The following SYBU variants were observed in gnomAD, a reference collection of about 807,000 sequenced individuals.
The protein encoded by SYBU is GOLSYN A protein.
A neutral mutation model predicts 35.9 loss-of-function variants in SYBU; 21 were observed. The observed-to-expected ratio is 0.58, with a 90% confidence interval of 0.41 to 0.84. SYBU has a LOEUF of 0.84. Among genes scored for constraint, SYBU ranks in the 40% least tolerant of loss-of-function variants. The pLI is 0.00. For missense variants in SYBU, 768 were observed against 848.2 expected (o/e 0.91, Z 1.17); for synonymous variants, 319 against 324.3 (o/e 0.98, Z 0.18).
chr8:109,577,971 G>GT lies in SYBU; in HGVS notation c.780dup (p.Pro261ThrfsTer29). On this transcript the variant is annotated frameshift_variant, in exon 6 of 7. Transcript: ENST00000276646. LOFTEE classifies it high-confidence loss of function. ...GTCAAATACTGCTCTGGGTTTGGGGGTCTGACACCATGATTTTCACCGCAA... is the reference window on the plus strand; with the variant it reads ...GTCAAATACTGCTCTGGGTTTGGGGGTTCTGACACCATGATTTTCACCGCAA... 6.2e-7 allele frequency: 1 copy of GT among 1,613,874 alleles called. No individual in the cohort carries two copies. Among genetic ancestry groups the GT allele is most frequent in the Non-Finnish European group, 8.5e-7 (1 of 1,179,896 alleles).
intron 1 of SYBU, among the ~76,000 whole-genome samples, chr8:109,670,276 C>A (rs1394537193): frequency 6.6e-6 from 1 of 151,300 alleles, no homozygotes; most frequent in East Asian, 1.9e-4. Flanking sequence ...CTTTTAAGTT[C>A]TAGGGTACCT....
intron 3 of SYBU, among the ~76,000 whole-genome samples, chr8:109,588,205 G>A (rs533636146): frequency 4.6e-5 from 7 of 152,284 alleles, no homozygotes; most frequent in South Asian, 2.1e-4. Flanking sequence ...AAAGCCCATC[G>A]ATTATAATTG....
chr8:109,635,797 C>A (rs1273779121), intron 2 of SYBU, among the ~76,000 whole-genome samples: 2 of 152,178 alleles, frequency 1.3e-5, no homozygotes, highest in Non-Finnish European at 2.9e-5. Flanking sequence ...CCCTGTCCAA[C>A]ACAGAAATAG....
rs183092614 is a variant in SYBU, at chr8:109,584,088, G to A, written c.530+1972C>T. 6.6e-6 allele frequency among the ~76,000 whole-genome samples: 1 copy of A among 152,084 alleles called. No individual in the cohort carries two copies. The highest frequency in any genetic ancestry group is 2.4e-5 in the African/African-American group (1 of 41,466). ...CCGCCTTGGCCTCCTAAAAGTGCTG[G>A]GATTATAGGCATGAGCCACTGTGCA... is the stretch of plus-strand genomic sequence containing the variant. On this transcript the variant is annotated intron_variant, in intron 4 of 6. Coordinates refer to ENST00000276646, the MANE Select transcript of SYBU (RefSeq NM_001099754.2). This position sits in a 1 kb window ranked among gnomAD's most constrained non-coding sequence, Gnocchi z 4.0.
intron 1 of SYBU, among the ~76,000 whole-genome samples, chr8:109,686,705 T>C (rs1817527236): frequency 7.4e-6 from 1 of 136,034 alleles, no homozygotes; most frequent in Admixed American, 7.0e-5. Flanking sequence ...TGAACCTAAA[T>C]TGATTTTTAA....
intron 2 of SYBU, 116 bp downstream of exon 2, chr8:109,642,612 C>A (rs1402937334): frequency 1.8e-6 from 1 of 567,500 alleles, no homozygotes; most frequent in Non-Finnish European, 2.8e-6. Flanking sequence ...TTCTACAATT[C>A]ATCCTAATAG....
upstream of SYBU, among the ~76,000 whole-genome samples, chr8:109,683,142 T>C (rs1817439286): frequency 6.6e-6 from 1 of 152,148 alleles, no homozygotes; most frequent in Non-Finnish European, 1.5e-5. Context: ...CACTGCCTAG[T>C]AGAGCTGTGA....
At chr8:109,593,179 G>A (rs571348585) in intron 3 of SYBU, among the ~76,000 whole-genome samples, 1 of 152,220 alleles carries the variant, frequency 6.6e-6, no homozygotes, top group South Asian at 2.1e-4. Flanking sequence ...TGCAGCAGGT[G>A]GTCCATGAAC....
At chr8:109,635,797 C>T (rs1273779121) in intron 2 of SYBU, among the ~76,000 whole-genome samples, 4 of 152,178 alleles carry the variant, frequency 2.6e-5, no homozygotes, top group Non-Finnish European at 5.9e-5. Flanking sequence ...CCCTGTCCAA[C>T]ACAGAAATAG....
At chr8:109,611,138 G>C (rs1811121112) in intron 3 of SYBU, among the ~76,000 whole-genome samples, 1 of 152,168 alleles carries the variant, frequency 6.6e-6, no homozygotes, top group East Asian at 1.9e-4. Flanking sequence ...GTGGGTATCT[G>C]GTCTGCTGGA....
chr8:109,642,970 C>T, intron 1 of SYBU, 38 bp from the exon 2 acceptor site: 5 of 1,451,266 alleles, frequency 3.4e-6, no homozygotes, highest in Non-Finnish European at 4.6e-6. Flanking sequence ...CAAAAGGAAA[C>T]GCGTTTCCCT....
chr8:109,604,806 G>A (rs1825898432), intron 3 of SYBU, among the ~76,000 whole-genome samples: 1 of 152,190 alleles, frequency 6.6e-6, no homozygotes, highest in Non-Finnish European at 1.5e-5. Flanking sequence ...AAGGGCATTG[G>A]ATGTCAGGCA....
chr8:109,609,813 A>T (rs1196833305), intron 3 of SYBU, among the ~76,000 whole-genome samples: 5 of 152,168 alleles, frequency 3.3e-5, no homozygotes, highest in Non-Finnish European at 7.3e-5. Flanking sequence ...TAGGAAAATT[A>T]GGGGATCTTA....
intron 4 of SYBU, 172 bp downstream of exon 4, chr8:109,585,888 G>T: frequency 1.7e-6 from 1 of 593,928 alleles, no homozygotes. Flanking sequence ...ACCACAGTTG[G>T]CAAGACAGGA....
At chr8:109,652,821 G>C (rs2130721953) in intron 1 of SYBU, among the ~76,000 whole-genome samples, 1 of 152,336 alleles carries the variant, frequency 6.6e-6, no homozygotes, top group East Asian at 1.9e-4. Context: ...TGCTTTGATA[G>C]ACAATGGTTC....
In SYBU at chr8:109,665,788, CTT is replaced by C. The variant is rs1816731656; in HGVS notation, c.-129+14921_-129+14922del. Among the ~76,000 whole-genome samples, 5 of 152,318 alleles carry C rather than the reference CTT, an allele frequency of 3.3e-5. No homozygotes were observed. In the South Asian group the frequency reaches 1.0e-3, roughly 32 times the overall value. ...ATGATTCCTCCTGCTGGTACAGTCTCTTCACACTTCATCACATTTCTAAATAA... is the reference window on the plus strand; with the variant it reads ...ATGATTCCTCCTGCTGGTACAGTCTCCACACTTCATCACATTTCTAAATAA... On this transcript the variant is annotated intron_variant, in intron 1 of 5. Coordinates refer to the SYBU transcript ENST00000408889.
At chr8:109,689,832 GAAA>G (rs544879954) in intron 1 of SYBU, among the ~76,000 whole-genome samples, 4,743 of 102,764 alleles carry the variant, frequency 0.046, 252 homozygotes, top group African/African-American at 0.15. Context: ...ACTACAATAT[GAAA>G]AAAAAAAAAA....
rs148596089 is a variant in SYBU at position 109,673,739 on chromosome 8, C to T, written c.-129+6972G>A. On this transcript the variant is annotated intron_variant, in intron 1 of 5. Transcript: ENST00000408889. ...GTGGGTAATGAGAAACTCCTCCGAG[C>T]TAAAGGAGCATGTTCTAACCCAATG... Among the ~76,000 whole-genome samples the T allele has an allele frequency of 1.6e-3, 250 of 152,220 alleles. 1 individual carries two copies. The highest frequency in any genetic ancestry group is 5.8e-3 in the African/African-American group (240 of 41,556).
At chr8:109,641,203 G>C (rs1285617641) in intron 2 of SYBU, among the ~76,000 whole-genome samples, 1 of 152,168 alleles carries the variant, frequency 6.6e-6, no homozygotes, top group East Asian at 1.9e-4. Flanking sequence ...GGAATAAAAA[G>C]CTCTGTCAAA....
Sources: allele counts gnomAD v4.1 joint callset (sites outside exome capture counted in the v4.1 genomes callset), GRCh38; gene constraint gnomAD v4.1.1; non-coding constraint Gnocchi (gnomAD v3.1); transcripts MANE v1.5; gene names NCBI Gene and HGNC (gene_info 2026-07-23, HGNC 2026-07-21).